Variants in TTC28 observed in about 807,000 individuals in gnomAD.
TTC28 encodes tetratricopeptide repeat protein 28.
Under a neutral mutation model 198.0 loss-of-function variants are expected in TTC28, and 61 were observed. The observed-to-expected ratio is 0.31, with a 90% CI of 0.25 to 0.38. The LOEUF (loss-of-function observed/expected upper bound fraction) is 0.38. Ranked by LOEUF, TTC28 falls within the 10% of genes least tolerant of loss-of-function variation. The pLI is 1.00. For missense variants in TTC28, 2,678 were observed against 3,164.0 expected (o/e 0.85, Z 3.69); for synonymous variants, 1,171 against 1,297.8 (o/e 0.90, Z 2.10).
intron 2 of TTC28, among the ~76,000 whole-genome samples, chr22:28,328,615 G>T (rs1396855988): frequency 6.6e-6 from 1 of 150,962 alleles, no homozygotes; most frequent in Non-Finnish European, 1.5e-5. Flanking sequence ...TTAGCCAGGC[G>T]TGGTAGCAGG....
chr22:28,386,273 T>TGAAAAAAAAAAA (rs2046587248), intron 2 of TTC28, among the ~76,000 whole-genome samples: 1 of 17,592 alleles, frequency 5.7e-5, no homozygotes, highest in Non-Finnish European at 7.9e-5. Context: ...AGACTCCGTC[T>TGAAAAAAAAAAA]CAAAAAAAAA....
intron 5 of TTC28, among the ~76,000 whole-genome samples, chr22:28,193,152 T>A (rs1317602491): frequency 6.6e-6 from 1 of 152,112 alleles, no homozygotes; most frequent in Non-Finnish European, 1.5e-5. Context: ...CTTAAAAGAA[T>A]TTTCAACCCA....
chr22:28,652,610 G>T (rs2051581465), intron 1 of TTC28, among the ~76,000 whole-genome samples: 1 of 152,174 alleles, frequency 6.6e-6, no homozygotes, highest in Admixed American at 6.5e-5. Context: ...CAGATGTCTG[G>T]TAACACCAGT....
At chr22:28,089,705 T>TA (rs983993978) in intron 12 of TTC28, among the ~76,000 whole-genome samples, 1 of 138,054 alleles carries the variant, frequency 7.2e-6, no homozygotes, top group Non-Finnish European at 1.6e-5. Flanking sequence ...AATAAAAAAA[T>TA]AAAAAAAATA....
At chr22:28,123,178 T>A (rs546714961) in intron 6 of TTC28, among the ~76,000 whole-genome samples, 11 of 152,064 alleles carry the variant, frequency 7.2e-5, no homozygotes, top group African/African-American at 2.7e-4. Flanking sequence ...ATGCTTCCCA[T>A]CCTTTCCTTC....
intron 2 of TTC28, among the ~76,000 whole-genome samples, chr22:28,405,396 G>A (rs1569308376): frequency 6.6e-6 from 1 of 152,122 alleles, no homozygotes; most frequent in Non-Finnish European, 1.5e-5. Context: ...ACAAAAGGGT[G>A]GTCACAGAGC....
At chr22:28,028,829 G>C (rs1938953213) in intron 13 of TTC28, 1 of 356,848 alleles carries the variant, frequency 2.8e-6, no homozygotes, top group African/African-American at 2.1e-5. Flanking sequence ...TTATACATTG[G>C]CTCCTTTATT....
rs747128323 is a variant in TTC28, at chr22:28,296,343, G to GAA, written c.803-17_803-16dup. On this transcript the variant is annotated splice_polypyrimidine_tract_variant and intron_variant, in intron 4 of 22. Transcript: ENST00000397906. ...TGTCTGGTCACCTGGATTGAATTGA[G>GAA]AAAAAAAAAAAGAAAAAATTTCTCT... 173 of 1,141,744 alleles carry GAA rather than the reference G, an allele frequency of 1.5e-4. No individual in the cohort carries two copies. Among genetic ancestry groups the GAA allele is most frequent in the South Asian group, 7.3e-4 (38 of 52,026 alleles). 70.7% of individuals were successfully genotyped at this position (1,141,744 alleles called of 1,614,324 possible). A position where few individuals can be genotyped will look rare whatever the true frequency, so the allele number is the denominator to read the frequency against.
chr22:28,244,727 A>C (rs1929955700), intron 5 of TTC28, among the ~76,000 whole-genome samples: 1 of 152,204 alleles, frequency 6.6e-6, no homozygotes, highest in Non-Finnish European at 1.5e-5. Context: ...TTAATTCATG[A>C]CAAATTACAT....
At chr22:28,229,820 A>G (rs546397077) in intron 5 of TTC28, among the ~76,000 whole-genome samples, 1 of 152,288 alleles carries the variant, frequency 6.6e-6, no homozygotes, top group South Asian at 2.1e-4. Context: ...CACTGCTACC[A>G]GACAGAAATA....
chr22:28,225,401 G>T (rs1030305148), intron 5 of TTC28, among the ~76,000 whole-genome samples: 1 of 135,898 alleles, frequency 7.4e-6, no homozygotes, highest in Non-Finnish European at 1.6e-5. Flanking sequence ...AGAAGAAGAA[G>T]AAAGAAGAAG....
chr22:28,345,063 C>T (rs1362240602), intron 2 of TTC28, among the ~76,000 whole-genome samples: 1 of 152,074 alleles, frequency 6.6e-6, no homozygotes, highest in Non-Finnish European at 1.5e-5. Context: ...ACTTCAAAGC[C>T]CCCACTCTTT....
intron 1 of TTC28, among the ~76,000 whole-genome samples, chr22:28,666,692 G>C: frequency 1.6e-5 from 1 of 61,170 alleles, no homozygotes; most frequent in African/African-American, 7.5e-5. Flanking sequence ...AGGACCAGAT[G>C]GATTCACTGC....
chr22:28,212,498 C>A (rs903049785), intron 5 of TTC28, among the ~76,000 whole-genome samples: 3 of 134,840 alleles, frequency 2.2e-5, no homozygotes, highest in African/African-American at 5.0e-5. Flanking sequence ...ACCAGAAACA[C>A]CTCTACGGAA....
chr22:28,423,187 C>T (rs1475703388), intron 2 of TTC28, among the ~76,000 whole-genome samples: 2 of 152,046 alleles, frequency 1.3e-5, no homozygotes, highest in Admixed American at 6.5e-5. Flanking sequence ...GTCAGGAGTT[C>T]GAGACCAGCC....
chr22:28,394,920 A>T (rs970532891), intron 2 of TTC28, among the ~76,000 whole-genome samples: 2 of 152,178 alleles, frequency 1.3e-5, no homozygotes, highest in African/African-American at 4.8e-5. Flanking sequence ...TAATACTATG[A>T]CTATGTGCTC....
At chr22:28,677,847 G>C (rs2052024585) in intron 1 of TTC28, among the ~76,000 whole-genome samples, 1 of 149,044 alleles carries the variant, frequency 6.7e-6, no homozygotes, top group African/African-American at 2.5e-5. Flanking sequence ...CTGAGGCAGG[G>C]GAATCGCTTG....
intron 12 of TTC28, among the ~76,000 whole-genome samples, chr22:28,056,990 G>A (rs1940316625): frequency 6.6e-6 from 1 of 152,158 alleles, no homozygotes; most frequent in African/African-American, 2.4e-5. Context: ...CTTTTTACTG[G>A]TGGGTACCAT....
chr22:28,583,995 GTTTT>G (rs1263464489), intron 2 of TTC28, among the ~76,000 whole-genome samples: 3 of 125,656 alleles, frequency 2.4e-5, no homozygotes, highest in Non-Finnish European at 5.2e-5. Context: ...TTTTTTTTTT[GTTTT>G]GTTTTTGTTT....
Sources: gnomAD v4.1 joint callset for allele counts (sites outside exome capture counted in the v4.1 genomes callset) on GRCh38, gnomAD v4.1.1 for gene constraint, MANE v1.5 for transcripts, NCBI Gene and HGNC (gene_info 2026-07-23, HGNC 2026-07-21) for gene names.